The following DOCK9 variants were observed in gnomAD, a reference collection of about 807,000 sequenced individuals.
The protein encoded by DOCK9 is dedicator of cytokinesis 9, also known as dedicator of cytokinesis protein 9.
A neutral mutation model predicts 263.3 loss-of-function variants in DOCK9; 89 were observed. The observed-to-expected ratio is 0.34, with a 90% CI of 0.28 to 0.40. The LOEUF (loss-of-function observed/expected upper bound fraction) is 0.40. Among genes scored for constraint, DOCK9 ranks in the 10% least tolerant of loss-of-function variants. The pLI is 1.00. For synonymous variants in DOCK9, 976 were observed against 973.1 expected (o/e 1.00, Z -0.06); for missense variants, 2,140 against 2,603.4 (o/e 0.82, Z 3.87).
intron 1 of DOCK9, among the ~76,000 whole-genome samples, chr13:99,043,569 G>A (rs144579264): frequency 2.5e-4 from 38 of 152,284 alleles, no homozygotes; most frequent in Admixed American, 1.4e-3. Context: ...TTGCAGGTAC[G>A]TCGGGGAGAG....
At chr13:98,806,432 C>T (rs1174321912) in intron 48 of DOCK9, among the ~76,000 whole-genome samples, 4 of 152,076 alleles carry the variant, frequency 2.6e-5, no homozygotes, top group Non-Finnish European at 5.9e-5. Flanking sequence ...TGTATTTAAC[C>T]TTCTAGAGCA....
intron 45 of DOCK9, among the ~76,000 whole-genome samples, chr13:98,823,478 G>A (rs1169325493): frequency 6.6e-6 from 1 of 152,202 alleles, no homozygotes; most frequent in East Asian, 1.9e-4. Flanking sequence ...TGGAAATCAG[G>A]ATGAAGCAGG....
chr13:98,995,555 C>T (rs1198906672), intron 1 of DOCK9, among the ~76,000 whole-genome samples: 1 of 143,736 alleles, frequency 7.0e-6, no homozygotes, highest in Non-Finnish European at 1.5e-5. Flanking sequence ...GTGGCGCGAT[C>T]TCGGCTCACT....
chr13:99,022,335 C>T (rs1886216166), intron 1 of DOCK9, among the ~76,000 whole-genome samples: 1 of 152,104 alleles, frequency 6.6e-6, no homozygotes, highest in African/African-American at 2.4e-5. Flanking sequence ...AAAGTTATGA[C>T]CACGTAAAAT....
intron 1 of DOCK9, among the ~76,000 whole-genome samples, chr13:98,997,659 T>A: frequency 6.6e-6 from 1 of 152,264 alleles, no homozygotes; most frequent in East Asian, 1.9e-4. Flanking sequence ...GGGATTGCCA[T>A]GGGCAGCCTT....
intron 20 of DOCK9, 57 bp downstream of exon 20, chr13:98,885,651 T>C (rs1266867523): frequency 1.3e-6 from 2 of 1,527,902 alleles, no homozygotes; most frequent in East Asian, 2.3e-5. Flanking sequence ...CTTAATACAA[T>C]TTAAGAACCT....
At chr13:98,879,685 G>T (rs1478355825) in intron 27 of DOCK9, among the ~76,000 whole-genome samples, 1 of 152,184 alleles carries the variant, frequency 6.6e-6, no homozygotes, top group African/African-American at 2.4e-5. Flanking sequence ...AGTAACTCAA[G>T]CATGCTGGCC....
chr13:99,066,497 TA>T (rs1267975461), intron 1 of DOCK9, among the ~76,000 whole-genome samples: 1 of 152,218 alleles, frequency 6.6e-6, no homozygotes, highest in African/African-American at 2.4e-5. Context: ...CAAAGAACTA[TA>T]ATAGCATACT....
chr13:98,801,554 T>A (rs757343975), intron 49 of DOCK9, among the ~76,000 whole-genome samples: 2 of 152,334 alleles, frequency 1.3e-5, no homozygotes, highest in East Asian at 1.9e-4. Flanking sequence ...AGGAGTTAAT[T>A]TAAAAATGAA....
chr13:99,087,186 C>G (rs543077270), upstream of DOCK9, among the ~76,000 whole-genome samples: 1 of 152,242 alleles, frequency 6.6e-6, no homozygotes, highest in South Asian at 2.1e-4. Flanking sequence ...GCGCGGGGCG[C>G]CGCGCGCTCG....
upstream of DOCK9, among the ~76,000 whole-genome samples, chr13:98,978,814 G>A (rs7342454): frequency 9.5e-4 from 145 of 152,284 alleles, 2 homozygotes; most frequent in African/African-American, 3.4e-3. Flanking sequence ...TTAAGAGAGA[G>A]ATGCACAAAA....
intron 1 of DOCK9, among the ~76,000 whole-genome samples, chr13:99,082,038 CA>C (rs898389352): frequency 2.0e-5 from 3 of 151,828 alleles, no homozygotes; most frequent in African/African-American, 7.3e-5. Context: ...GGCAACAGGG[CA>C]AAACCCCATC....
At chr13:99,044,157 T>C (rs12859048) in intron 1 of DOCK9, among the ~76,000 whole-genome samples, 8,489 of 152,308 alleles carry the variant, frequency 0.056, 258 homozygotes, top group Middle Eastern at 0.12. Flanking sequence ...CACTGTTGAA[T>C]GCTCGTAACA....
chr13:98,866,319 G>A (rs118014289), intron 30 of DOCK9, among the ~76,000 whole-genome samples: 5,207 of 152,224 alleles, frequency 0.034, 143 homozygotes, highest in Middle Eastern at 0.092. Flanking sequence ...TTGGTGCGGG[G>A]TAAATATTTG....
chr13:98,937,864 CT>C (rs2055151538), intron 2 of DOCK9, among the ~76,000 whole-genome samples: 1 of 152,130 alleles, frequency 6.6e-6, no homozygotes, highest in South Asian at 2.1e-4. Context: ...GTTTTTTCCT[CT>C]TAGTTGAAAT....
At chr13:98,879,864 C>A in intron 27 of DOCK9, 34 bp downstream of exon 27, 1 of 1,558,868 alleles carries the variant, frequency 6.4e-7, no homozygotes, top group South Asian at 1.2e-5. Context: ...TTCTTTTCCC[C>A]TAAGAACACA....
At chr13:99,077,304 C>T (rs2041948276) in intron 1 of DOCK9, among the ~76,000 whole-genome samples, 1 of 152,180 alleles carries the variant, frequency 6.6e-6, no homozygotes, top group African/African-American at 2.4e-5. Flanking sequence ...TGGAAGGCGA[C>T]TGAATCATGG....
intron 1 of DOCK9, among the ~76,000 whole-genome samples, chr13:98,999,670 CAG>C (rs1881894744): frequency 6.6e-6 from 1 of 152,282 alleles, no homozygotes; most frequent in Non-Finnish European, 1.5e-5. Flanking sequence ...TACTGATGCA[CAG>C]AGAGGTTGTT....
intron 30 of DOCK9, among the ~76,000 whole-genome samples, chr13:98,865,773 G>A (rs1358294497): frequency 1.3e-5 from 2 of 152,190 alleles, no homozygotes. Flanking sequence ...CACAGGGCAG[G>A]AAAGAGTGGT....
Sources: allele counts gnomAD v4.1 joint callset (sites outside exome capture counted in the v4.1 genomes callset), GRCh38; gene constraint gnomAD v4.1.1; transcripts MANE v1.5; gene names NCBI Gene and HGNC (gene_info 2026-07-23, HGNC 2026-07-21).